ZNF804B: variants seen among roughly 807,000 people sequenced by gnomAD.
ZNF804B encodes the protein zinc finger protein 804B.
Under a neutral mutation model 101.4 loss-of-function variants are expected in ZNF804B, and 80 were observed. That is an observed-to-expected ratio of 0.79 (90% CI 0.66 to 0.95). The LOEUF (loss-of-function observed/expected upper bound fraction) is 0.95. ZNF804B is among the 40% of genes least tolerant of loss of function. ZNF804B has a pLI of 0.00. For missense variants in ZNF804B, 1,673 were observed against 1,561.9 expected (o/e 1.07, Z -1.20); for synonymous variants, 622 against 558.8 (o/e 1.11, Z -1.59).
At chr7:88,863,768 G>A (rs940661158) in intron 1 of ZNF804B, among the ~76,000 whole-genome samples, 11 of 152,170 alleles carry the variant, frequency 7.2e-5, no homozygotes, top group African/African-American at 1.2e-4. Flanking sequence ...CCAGGTGGCA[G>A]AACTTTCAAG....
rs1168467620 is a variant in ZNF804B at position 88,874,299 on chromosome 7, T to G, written c.108+114215T>G. On this transcript the variant is annotated intron_variant, in intron 1 of 3. Coordinates refer to ENST00000333190, the MANE Select transcript of ZNF804B (RefSeq NM_181646.5). Reference sequence around the variant, plus strand: ...CTGTTGTTGGTGTATAAGAATGCTTTTGATTTTTGTACATTGATTTTGTAT... The same window carrying G: ...CTGTTGTTGGTGTATAAGAATGCTTGTGATTTTTGTACATTGATTTTGTAT... Among the ~76,000 whole-genome samples the G allele has an allele frequency of 3.0e-3, 446 of 151,134 alleles. 3 individuals are homozygous for G. Among genetic ancestry groups the G allele is most frequent in the Admixed American group, 4.8e-3 (73 of 15,176 alleles).
At chr7:89,267,428 ATAAT>A (rs1789814420) in intron 2 of ZNF804B, among the ~76,000 whole-genome samples, 1 of 152,204 alleles carries the variant, frequency 6.6e-6, no homozygotes, top group South Asian at 2.1e-4. Context: ...GACCAAAGCA[ATAAT>A]TAGTTTTAAA....
chr7:89,163,284 G>A (rs1036710463), intron 1 of ZNF804B, among the ~76,000 whole-genome samples: 9 of 152,090 alleles, frequency 5.9e-5, no homozygotes, highest in African/African-American at 2.2e-4. Context: ...ACCAAAATAA[G>A]AGCTTCATGT....
At chr7:88,997,220 C>CT (rs1350496778) in intron 1 of ZNF804B, among the ~76,000 whole-genome samples, 1 of 151,680 alleles carries the variant, frequency 6.6e-6, no homozygotes. Context: ...AAGTTAACAT[C>CT]TTTTTTTTAG....
chr7:88,905,070 T>C (rs1792448011), intron 1 of ZNF804B, among the ~76,000 whole-genome samples: 2 of 152,346 alleles, frequency 1.3e-5, no homozygotes, highest in Non-Finnish European at 2.9e-5. Context: ...TTTAGTATAA[T>C]GTTAGCTTTT....
chr7:88,843,045 A>G (rs547701578), intron 1 of ZNF804B, among the ~76,000 whole-genome samples: 4 of 152,208 alleles, frequency 2.6e-5, no homozygotes, highest in African/African-American at 7.2e-5. Flanking sequence ...GACACATGCA[A>G]TGAAGTTTGC....
intron 1 of ZNF804B, among the ~76,000 whole-genome samples, chr7:89,207,137 A>G (rs1177198542): frequency 6.6e-6 from 1 of 152,314 alleles, no homozygotes; most frequent in Non-Finnish European, 1.5e-5. Context: ...TCTGCCTGTT[A>G]CCCAGTTCCA....
intron 1 of ZNF804B, among the ~76,000 whole-genome samples, chr7:89,216,427 A>C (rs1453883408): frequency 6.6e-6 from 1 of 152,220 alleles, no homozygotes; most frequent in Non-Finnish European, 1.5e-5. Flanking sequence ...CTCACTTCTC[A>C]ATAGTGATTG....
rs144618350 is a variant in ZNF804B, at chr7:89,142,698, A to G, written c.109-75457A>G. On this transcript the variant is annotated intron_variant, in intron 1 of 3. Coordinates refer to ENST00000333190, the MANE Select transcript of ZNF804B (RefSeq NM_181646.5). Reference sequence around the variant, plus strand: ...CACCCATTCAGTGGAAAGTTAGTTCAACTTTTTCAGTCAGAATTGGGTTGA... The same window carrying G: ...CACCCATTCAGTGGAAAGTTAGTTCGACTTTTTCAGTCAGAATTGGGTTGA... Among the ~76,000 whole-genome samples, 1,354 of 152,148 alleles carry G rather than the reference A, an allele frequency of 8.9e-3. 22 individuals carry two copies. The highest frequency in any genetic ancestry group is 0.031 in the African/African-American group (1,269 of 41,546).
chr7:89,320,655 A>G (rs1407115596), intron 2 of ZNF804B, among the ~76,000 whole-genome samples: 1 of 152,126 alleles, frequency 6.6e-6, no homozygotes, highest in African/African-American at 2.4e-5. Context: ...ATACAAAACT[A>G]CAGATTCCAG....
At chr7:89,162,350 T>C (rs717473) in intron 1 of ZNF804B, among the ~76,000 whole-genome samples, 62,087 of 152,040 alleles carry the variant, frequency 0.41, 13,244 homozygotes, top group Non-Finnish European at 0.47. Flanking sequence ...ACCATCTAAC[T>C]GTGTAGTTTT....
intron 1 of ZNF804B, among the ~76,000 whole-genome samples, chr7:88,876,400 G>T (rs977526649): frequency 6.6e-6 from 1 of 152,148 alleles, no homozygotes; most frequent in African/African-American, 2.4e-5. Flanking sequence ...AGTCTAATGA[G>T]TCTAGGCTTC....
chr7:88,895,806 T>C (rs1233594609), intron 1 of ZNF804B, among the ~76,000 whole-genome samples: 1 of 152,210 alleles, frequency 6.6e-6, no homozygotes, highest in African/African-American at 2.4e-5. Flanking sequence ...ATAAACTGTA[T>C]TGGATTATAA....
intron 1 of ZNF804B, among the ~76,000 whole-genome samples, chr7:89,020,403 C>A (rs940651049): frequency 3.9e-5 from 6 of 152,008 alleles, no homozygotes; most frequent in African/African-American, 1.4e-4. Flanking sequence ...CTCACCTGAC[C>A]TTTAAGATTT....
In ZNF804B at chr7:88,846,720, A is replaced by G. The variant is rs186207680; in HGVS notation, c.108+86636A>G. Among the ~76,000 whole-genome samples the G allele has an allele frequency of 3.2e-4, 48 of 152,118 alleles. 1 individual carries two copies. The highest frequency in any genetic ancestry group is 5.0e-4 in the Non-Finnish European group (34 of 68,022). On this transcript the variant is annotated intron_variant, in intron 1 of 3. Transcript: ENST00000333190. Reference sequence around the variant, plus strand: ...AAAAACAAAAAAAGGGTATATGTCTATATGTGAGACTACCATATATATGTG... The same window carrying G: ...AAAAACAAAAAAAGGGTATATGTCTGTATGTGAGACTACCATATATATGTG...
At chr7:88,926,136 T>C (rs1792793217) in intron 1 of ZNF804B, among the ~76,000 whole-genome samples, 1 of 152,144 alleles carries the variant, frequency 6.6e-6, no homozygotes, top group South Asian at 2.1e-4. Context: ...CAATTTAGAA[T>C]TCATTACTGC....
chr7:89,175,829 T>G (rs1036690817), intron 1 of ZNF804B, among the ~76,000 whole-genome samples: 1 of 152,082 alleles, frequency 6.6e-6, no homozygotes, highest in African/African-American at 2.4e-5. Context: ...TGTTTATAGC[T>G]TTTGTAAATT....
chr7:89,116,693 T>G (rs942890330), intron 1 of ZNF804B, among the ~76,000 whole-genome samples: 1 of 152,184 alleles, frequency 6.6e-6, no homozygotes, highest in African/African-American at 2.4e-5. Context: ...AGTCTTTACT[T>G]CTAATTTATT....
intron 1 of ZNF804B, among the ~76,000 whole-genome samples, chr7:89,215,727 C>CA (rs1788881904): frequency 2.0e-5 from 3 of 151,292 alleles, no homozygotes; most frequent in South Asian, 2.1e-4. Context: ...ACTAAAAATA[C>CA]AAAAAATTAG....
Sources: gnomAD v4.1 joint callset for allele counts (sites outside exome capture counted in the v4.1 genomes callset) on GRCh38, gnomAD v4.1.1 for gene constraint, MANE v1.5 for transcripts, NCBI Gene and HGNC (gene_info 2026-07-23, HGNC 2026-07-21) for gene names.